The following ZFYVE9 variants were observed in gnomAD, a reference collection of about 807,000 sequenced individuals.
ZFYVE9 encodes the protein zinc finger FYVE domain-containing protein 9.
Under a neutral mutation model 126.7 loss-of-function variants are expected in ZFYVE9, and 43 were observed. The observed-to-expected ratio is 0.34, with a 90% CI of 0.27 to 0.44. The LOEUF (loss-of-function observed/expected upper bound fraction) is 0.44. Among genes scored for constraint, ZFYVE9 ranks in the 20% least tolerant of loss-of-function variants. The probability of loss-of-function intolerance (pLI) is 1.00; values close to 1 mark genes in which losing one functional copy is unlikely to be tolerated. For missense variants in ZFYVE9, 1,476 were observed against 1,697.0 expected (o/e 0.87, Z 2.29); for synonymous variants, 521 against 597.4 (o/e 0.87, Z 1.87).
At chr1:52,338,034 C>T in intron 16 of ZFYVE9, 100 bp downstream of exon 16, 1 of 1,385,620 alleles carries the variant, frequency 7.2e-7, no homozygotes, top group Non-Finnish European at 9.6e-7. Flanking sequence ...TTACTGAAAG[C>T]CCTGCCTAAG....
intron 1 of ZFYVE9, among the ~76,000 whole-genome samples, chr1:52,207,936 A>C (rs1223283710): frequency 6.6e-6 from 1 of 152,250 alleles, no homozygotes; most frequent in Non-Finnish European, 1.5e-5. Flanking sequence ...TCATCATTAA[A>C]AATATCCCGC....
intron 1 of ZFYVE9, among the ~76,000 whole-genome samples, chr1:52,182,273 G>T (rs1480776059): frequency 6.6e-6 from 1 of 152,274 alleles, no homozygotes; most frequent in Non-Finnish European, 1.5e-5. Context: ...TTGAGAAGGG[G>T]CCATGATGAC....
intron 1 of ZFYVE9, among the ~76,000 whole-genome samples, chr1:52,211,333 G>A (rs1193640244): frequency 6.6e-6 from 1 of 152,136 alleles, no homozygotes; most frequent in Non-Finnish European, 1.5e-5. Flanking sequence ...AGTCACAGGT[G>A]CTACGTCACA....
intron 13 of ZFYVE9, among the ~76,000 whole-genome samples, chr1:52,307,665 G>A (rs922433904): frequency 6.6e-6 from 1 of 152,108 alleles, no homozygotes; most frequent in Non-Finnish European, 1.5e-5. Flanking sequence ...TTCTAAAAGA[G>A]TAACAGTATT....
At chr1:52,309,947 AAGGTC>A (rs1358396621) in intron 13 of ZFYVE9, among the ~76,000 whole-genome samples, 2 of 152,142 alleles carry the variant, frequency 1.3e-5, no homozygotes, top group Admixed American at 1.3e-4. Flanking sequence ...CTTGTTGGTT[AAGGTC>A]ACCTGGTTCA....
chr1:52,237,560 C>A lies in ZFYVE9; in HGVS notation c.143C>A (p.Ser48Ter), dbSNP rs766613698. The A allele has an allele frequency of 1.2e-6, 2 of 1,613,908 alleles. No individual in the cohort carries two copies. Residue 48 changes from serine to a stop codon, truncating the protein, a stop_gained, in exon 4 of 19, where the codon TCA (serine) becomes TAA (stop). Transcript: ENST00000287727. LOFTEE classifies it high-confidence loss of function. ...CTAGATCCCCCTTCTCACCGGCTGT[C>A]ATTTAACCCTACTTTGGCCAGTGTG... ...KILDPPSHRLSFNPTLASVNE... is the reference protein window; with the variant it reads ...KILDPPSHRL
At chr1:52,280,164 C>T (rs1420793947) in intron 9 of ZFYVE9, among the ~76,000 whole-genome samples, 1 of 150,940 alleles carries the variant, frequency 6.6e-6, no homozygotes, top group African/African-American at 2.4e-5. Context: ...ATCACTTGAG[C>T]CCAGGAGTTC....
chr1:52,185,795 C>G (rs1644759491), intron 1 of ZFYVE9, among the ~76,000 whole-genome samples: 1 of 151,166 alleles, frequency 6.6e-6, no homozygotes, highest in African/African-American at 2.4e-5. Flanking sequence ...GGTGGTGTTT[C>G]TGTAGTCCCA....
rs58313402 is a variant in ZFYVE9, at chr1:52,256,043, TTCTC to T, written c.2179-7712_2179-7709del. On this transcript the variant is annotated intron_variant, in intron 4 of 18. Coordinates refer to ENST00000287727, the MANE Select transcript of ZFYVE9 (RefSeq NM_004799.4). ...TTTCTTTCTTTCTGTCTTTCTTTCT[TTCTC>T]TCTCTCTCTCTCTCTCTTTCTTTCT... is the stretch of plus-strand genomic sequence containing the variant. Among the ~76,000 whole-genome samples the T allele has an allele frequency of 2.4e-4, 32 of 133,208 alleles. 2 individuals carry two copies. Among genetic ancestry groups the T allele is most frequent in the African/African-American group, 3.5e-4 (12 of 34,424 alleles). The allele number at this position is 133,208 out of a possible 152,430, so 87.4% of individuals were successfully genotyped here.
chr1:52,249,028 T>G (rs766658405), intron 4 of ZFYVE9, among the ~76,000 whole-genome samples: 2 of 152,244 alleles, frequency 1.3e-5, no homozygotes, highest in Non-Finnish European at 2.9e-5. Context: ...TCCCCCTTGC[T>G]GTTCTCATAA....
At chr1:52,177,259 C>T (rs1290013022) in intron 1 of ZFYVE9, among the ~76,000 whole-genome samples, 2 of 152,056 alleles carry the variant, frequency 1.3e-5, no homozygotes, top group African/African-American at 4.8e-5. Context: ...AAGCACTTCT[C>T]CTGCCTCAGC....
In ZFYVE9 at chr1:52,239,390, C is replaced by T. The variant is rs778949561; in HGVS notation, c.1973C>T (p.Thr658Ile). 25 of 1,614,198 alleles carry T rather than the reference C, an allele frequency of 1.5e-5. No individual in the cohort carries two copies. In the East Asian group the frequency reaches 5.6e-4, roughly 36 times the overall value. ...HLESYEAEISTRPCLALAPDS... is the reference protein window; with the variant it reads ...HLESYEAEISIRPCLALAPDS... ...GAAAGTTATGAGGCTGAGATCTCCA[C>T]TAGACCATGCCTTGCATTAGCTCCA... is the stretch of plus-strand genomic sequence containing the variant. Residue 658 changes from threonine to isoleucine, a missense_variant, in exon 4 of 19, where the codon ACT becomes ATT. Physicochemically the swap from Thr to Ile is moderately conservative, Grantham distance 89 (BLOSUM62 -1). Coordinates refer to ENST00000287727, the MANE Select transcript of ZFYVE9 (RefSeq NM_004799.4).
At chr1:52,180,500 C>G in intron 1 of ZFYVE9, 1 of 822,276 alleles carries the variant, frequency 1.2e-6, no homozygotes. Flanking sequence ...TATTGCTGTC[C>G]TCAGTGCAAT....
chr1:52,164,757 G>C (rs1280654889), intron 1 of ZFYVE9, among the ~76,000 whole-genome samples: 1 of 152,184 alleles, frequency 6.6e-6, no homozygotes, highest in Non-Finnish European at 1.5e-5. Flanking sequence ...ATAGATGATT[G>C]CTGCTTTCCT....
chr1:52,309,778 CTG>C (rs1646120806), intron 13 of ZFYVE9, among the ~76,000 whole-genome samples: 2 of 152,018 alleles, frequency 1.3e-5, no homozygotes, highest in African/African-American at 4.8e-5. Context: ...TTTTGGAAAA[CTG>C]AGTTTGGTGG....
Position 52,237,841 on chromosome 1 carries a change from C to T in ZFYVE9, c.424C>T (p.Leu142=). ...GEKKCGNLAC[L]PDEKNVLVVA... ...GAAGAAATGTGGAAACCTGGCTTGT[C>T]TGCCAGATGAGAAGAATGTTCTTGT... is the stretch of plus-strand genomic sequence containing the variant. Residue 142 remains leucine, a synonymous_variant, in exon 4 of 19, where the codon CTG becomes TTG. Transcript: ENST00000287727. The T allele has an allele frequency of 6.2e-7, 1 of 1,614,042 alleles. No individual in the cohort carries two copies. The highest frequency in any genetic ancestry group is 8.5e-7 in the Non-Finnish European group (1 of 1,179,972).
intron 12 of ZFYVE9, among the ~76,000 whole-genome samples, chr1:52,296,917 G>C (rs542510059): frequency 6.6e-6 from 1 of 151,990 alleles, no homozygotes; most frequent in Non-Finnish European, 1.5e-5. Context: ...AGCAATTCTC[G>C]TGCCTGAGCC....
At chr1:52,173,466 T>A (rs1644592313) in intron 1 of ZFYVE9, among the ~76,000 whole-genome samples, 1 of 152,232 alleles carries the variant, frequency 6.6e-6, no homozygotes, top group Non-Finnish European at 1.5e-5. Context: ...TAATTCTCTT[T>A]TTTGGTTGTG....
intron 4 of ZFYVE9, among the ~76,000 whole-genome samples, chr1:52,256,663 C>A (rs1645522865): frequency 6.8e-6 from 1 of 147,988 alleles, no homozygotes; most frequent in African/African-American, 2.5e-5. Context: ...CTGTAATGGA[C>A]ACTTAAAATG....
Sources: gnomAD v4.1 joint callset for allele counts (sites outside exome capture counted in the v4.1 genomes callset) on GRCh38, gnomAD v4.1.1 for gene constraint, MANE v1.5 for transcripts, NCBI Gene and HGNC (gene_info 2026-07-23, HGNC 2026-07-21) for gene names.